SPIDR: variants seen among roughly 807,000 people sequenced by gnomAD.
The protein encoded by SPIDR is DNA repair-scaffolding protein.
Under a neutral mutation model 104.6 loss-of-function variants are expected in SPIDR, and 93 were observed. The observed-to-expected ratio is 0.89, with a 90% confidence interval of 0.75 to 1.06. The LOEUF is 1.06. SPIDR is among the 50% of genes least tolerant of loss of function. The pLI, the probability that SPIDR is intolerant of heterozygous loss-of-function variation, is 0.00. For missense variants in SPIDR, 1,154 were observed against 1,111.2 expected (o/e 1.04, Z -0.55); for synonymous variants, 431 against 416.9 (o/e 1.03, Z -0.41).
chr8:47,442,726 A>T (rs538010933), intron 8 of SPIDR, among the ~76,000 whole-genome samples: 47 of 152,228 alleles, frequency 3.1e-4, no homozygotes, highest in Non-Finnish European at 5.9e-4. Context: ...ATTATTTTTT[A>T]AAAAACTCCT....
chr8:47,344,805 T>C (rs1288362417), intron 5 of SPIDR, among the ~76,000 whole-genome samples: 4 of 152,366 alleles, frequency 2.6e-5, no homozygotes, highest in Admixed American at 2.6e-4. Context: ...GCCCACTTTT[T>C]GATGGGGCTG....
At chr8:47,716,260 G>A (rs900449316) in intron 16 of SPIDR, among the ~76,000 whole-genome samples, 6 of 152,094 alleles carry the variant, frequency 3.9e-5, no homozygotes, top group Admixed American at 6.6e-5. Context: ...GCACCCAGCC[G>A]GTTCAAAGCA....
At chr8:47,486,807 T>G (rs1183383288) in intron 8 of SPIDR, among the ~76,000 whole-genome samples, 1 of 152,108 alleles carries the variant, frequency 6.6e-6, no homozygotes, top group Non-Finnish European at 1.5e-5. Flanking sequence ...TGCTGAGAGA[T>G]TTTGTCACCA....
At chr8:47,385,229 C>G (rs1302744277) in intron 5 of SPIDR, among the ~76,000 whole-genome samples, 1 of 152,008 alleles carries the variant, frequency 6.6e-6, no homozygotes, top group African/African-American at 2.4e-5. Flanking sequence ...TGTATGTGTT[C>G]TTCTGTATTT....
At chr8:47,420,972 G>T (rs2065334169) in intron 7 of SPIDR, among the ~76,000 whole-genome samples, 1 of 152,248 alleles carries the variant, frequency 6.6e-6, no homozygotes, top group African/African-American at 2.4e-5. Context: ...TTTCTGCAAA[G>T]ATGTCAGCTG....
At chr8:47,302,836 T>G (rs2042385622) in intron 5 of SPIDR, among the ~76,000 whole-genome samples, 3 of 152,204 alleles carry the variant, frequency 2.0e-5, no homozygotes, top group Admixed American at 1.3e-4. Flanking sequence ...CCTGGCCATG[T>G]GAGGTGTCAG....
Position 47,280,000 on chromosome 8 carries a change from A to G in SPIDR, c.172A>G (p.Asn58Asp). Reference protein sequence around the residue: ...AWLRCGEGFQNTSGNPSLTAE... With the variant: ...AWLRCGEGFQDTSGNPSLTAE... ...GCTCAGGTGTGGAGAAGGGTTTCAGAACACTTCTGGGAATCCGGTAAAGTA... is the reference window on the plus strand; with the variant it reads ...GCTCAGGTGTGGAGAAGGGTTTCAGGACACTTCTGGGAATCCGGTAAAGTA... The change falls in exon 2 of 20, where the codon AAC becomes GAC. Residue 58 changes from asparagine (N) to aspartate (D), a missense_variant. Coordinates refer to ENST00000297423, the MANE Select transcript of SPIDR (RefSeq NM_001080394.4). 1 of 1,613,922 alleles carries G rather than the reference A, an allele frequency of 6.2e-7. No homozygotes were observed. The highest frequency in any genetic ancestry group is 1.1e-5 in the South Asian group (1 of 91,058).
At chr8:47,348,339 C>T (rs1053476443) in intron 5 of SPIDR, among the ~76,000 whole-genome samples, 17 of 152,170 alleles carry the variant, frequency 1.1e-4, no homozygotes, top group Non-Finnish European at 4.4e-5. Context: ...ATGGGCTTCC[C>T]TTTGTGCGTA....
chr8:47,470,987 G>A lies in SPIDR; in HGVS notation c.1097+30445G>A, dbSNP rs921466968. Among the ~76,000 whole-genome samples the A allele has an allele frequency of 2.6e-5, 4 of 152,226 alleles. No homozygotes were observed. In the South Asian group the frequency reaches 8.3e-4, roughly 32 times the overall value. The stretch of plus-strand genomic sequence containing the variant: ...CTGACCTTGTGATCCGCCCGCCTTG[G>A]CCTCCCAAAGTGCTGGGATTACAGG... On this transcript the variant is annotated intron_variant, in intron 8 of 19. Coordinates refer to ENST00000297423, the MANE Select transcript of SPIDR (RefSeq NM_001080394.4).
At chr8:47,579,861 T>A (rs534826700) in intron 8 of SPIDR, among the ~76,000 whole-genome samples, 1 of 152,322 alleles carries the variant, frequency 6.6e-6, no homozygotes, top group East Asian at 1.9e-4. Flanking sequence ...AGGATCTTCC[T>A]TACCCATATC....
chr8:47,735,631 A>G lies in SPIDR; in HGVS notation c.*181A>G. The G allele has an allele frequency of 8.4e-7, 1 of 1,196,376 alleles. No individual in the cohort carries two copies. The highest frequency in any genetic ancestry group is 1.1e-6 in the Non-Finnish European group (1 of 879,730). 74.1% of individuals were successfully genotyped at this position (1,196,376 alleles called of 1,614,324 possible). On this transcript the variant is annotated 3_prime_UTR_variant, in exon 20 of 20. Coordinates refer to ENST00000297423, the MANE Select transcript of SPIDR (RefSeq NM_001080394.4). Reference sequence around the variant, plus strand: ...AGTTTTGTGAACTGTAAATCAAAATACCTTTTTCTACAGTTTATCTTTTAT... The same window carrying G: ...AGTTTTGTGAACTGTAAATCAAAATGCCTTTTTCTACAGTTTATCTTTTAT...
intron 7 of SPIDR, among the ~76,000 whole-genome samples, chr8:47,437,602 A>G (rs1308382284): frequency 1.3e-5 from 2 of 152,164 alleles, no homozygotes; most frequent in African/African-American, 4.8e-5. Flanking sequence ...ACTTCTCAAA[A>G]GAAGACATTT....
chr8:47,563,499 A>ATC (rs1173825013), intron 8 of SPIDR, among the ~76,000 whole-genome samples: 1 of 152,050 alleles, frequency 6.6e-6, no homozygotes, highest in African/African-American at 2.4e-5. Context: ...TGAAACCCAA[A>ATC]TCTGTGGGAT....
At chr8:47,356,425 T>G (rs1421611566) in intron 5 of SPIDR, among the ~76,000 whole-genome samples, 1 of 152,160 alleles carries the variant, frequency 6.6e-6, no homozygotes, top group Non-Finnish European at 1.5e-5. Context: ...CTGAGAGTAT[T>G]TAACCAAATA....
intron 8 of SPIDR, among the ~76,000 whole-genome samples, chr8:47,466,900 A>AATATATAGATATATAT (rs2074902758): frequency 8.7e-6 from 1 of 114,368 alleles, no homozygotes; most frequent in African/African-American, 3.6e-5. Context: ...AAAAAAAAAA[A>AATATATAGATATATAT]ATATATATAT....
chr8:47,336,628 G>A (rs977405694), intron 5 of SPIDR, among the ~76,000 whole-genome samples: 2 of 152,178 alleles, frequency 1.3e-5, no homozygotes, highest in Non-Finnish European at 2.9e-5. Context: ...AGAGCAGAAG[G>A]TCATTTCCTG....
At chr8:47,584,887 C>A (rs1348604607) in intron 8 of SPIDR, among the ~76,000 whole-genome samples, 2 of 152,154 alleles carry the variant, frequency 1.3e-5, no homozygotes, top group Non-Finnish European at 2.9e-5. Flanking sequence ...CTCCATCTGC[C>A]CCTGCCCTTC....
chr8:47,682,941 A>G (rs776399768), intron 11 of SPIDR, among the ~76,000 whole-genome samples: 3 of 152,194 alleles, frequency 2.0e-5, no homozygotes, highest in Non-Finnish European at 4.4e-5. Context: ...TTCACTATCA[A>G]TGAGAGTGAA....
chr8:47,363,978 G>C (rs570613895), intron 5 of SPIDR, among the ~76,000 whole-genome samples: 1 of 151,826 alleles, frequency 6.6e-6, no homozygotes, highest in African/African-American at 2.4e-5. Flanking sequence ...CCCTGTAGAG[G>C]GTCTACACTC....
Sources: gnomAD v4.1 joint callset for allele counts (sites outside exome capture counted in the v4.1 genomes callset) on GRCh38, gnomAD v4.1.1 for gene constraint, MANE v1.5 for transcripts, NCBI Gene and HGNC (gene_info 2026-07-23, HGNC 2026-07-21) for gene names.